Variants in DAGLA observed in about 807,000 individuals in gnomAD.
DAGLA encodes diacylglycerol lipase alpha.
In DAGLA, 22 loss-of-function variants were observed where a neutral mutation model predicts 102.6. The observed-to-expected ratio is 0.21, with a 90% confidence interval of 0.15 to 0.31. DAGLA has a LOEUF of 0.31. Among genes scored for constraint, DAGLA ranks in the 10% least tolerant of loss-of-function variants. The pLI, the probability that DAGLA is intolerant of heterozygous loss-of-function variation, is 1.00. For synonymous variants in DAGLA, 578 were observed against 628.9 expected (o/e 0.92, Z 1.21); for missense variants, 927 against 1,446.6 (o/e 0.64, Z 5.83).
chr11:61,699,677 A>G (rs1239284877), intron 1 of DAGLA, among the ~76,000 whole-genome samples: 2 of 152,228 alleles, frequency 1.3e-5, no homozygotes. Context: ...CCTCACAGTC[A>G]GGCCCCTCCG....
intron 5 of DAGLA, among the ~76,000 whole-genome samples, chr11:61,725,423 A>G (rs2065317096): frequency 6.6e-6 from 1 of 152,170 alleles, no homozygotes; most frequent in Non-Finnish European, 1.5e-5. Flanking sequence ...CCTAGGTATC[A>G]GATCCAAGGA....
chr11:61,744,657 G>GATCCCA lies in DAGLA; in HGVS notation c.*168_*169insATCCCA, dbSNP rs2065521437. The GATCCCA allele has an allele frequency of 5.0e-6, 3 of 595,238 alleles. No individual in the cohort carries two copies. In the Admixed American group the frequency reaches 1.0e-4, roughly 20 times the overall value. 36.9% of individuals were successfully genotyped at this position (595,238 alleles called of 1,614,324 possible). A position where few individuals can be genotyped will look rare whatever the true frequency, so the allele number is the denominator to read the frequency against. ...GGGTCCGCATCCCTACCTCAGCTTA[G>GATCCCA]GACCCCCAGAGCCAAGGTGGCTGGG... On this transcript the variant is annotated 3_prime_UTR_variant, in exon 20 of 20. Coordinates refer to ENST00000257215, the MANE Select transcript of DAGLA (RefSeq NM_006133.3).
intron 6 of DAGLA, 111 bp downstream of exon 6, chr11:61,726,193 T>C: frequency 9.6e-7 from 1 of 1,042,338 alleles, no homozygotes; most frequent in Non-Finnish European, 1.5e-6. Context: ...GGGAAGGAGC[T>C]GGGTTTCCAG....
chr11:61,722,684 C>T (rs1369325114), intron 3 of DAGLA, among the ~76,000 whole-genome samples, 175 bp from the exon 4 acceptor site: 3 of 144,794 alleles, frequency 2.1e-5, no homozygotes, highest in Non-Finnish European at 3.0e-5. Context: ...GGTGACAGGA[C>T]GGGCTTGGGG....
intron 5 of DAGLA, among the ~76,000 whole-genome samples, chr11:61,725,621 C>T (rs2065318687): frequency 6.6e-6 from 1 of 152,206 alleles, no homozygotes; most frequent in Non-Finnish European, 1.5e-5. Flanking sequence ...CCTTTGGACA[C>T]CTGAGCTGCA....
At chr11:61,714,030 G>A (rs540874205) in intron 1 of DAGLA, among the ~76,000 whole-genome samples, 46 of 152,174 alleles carry the variant, frequency 3.0e-4, no homozygotes, top group Non-Finnish European at 5.7e-4. Flanking sequence ...CCTGCAGAGC[G>A]AAAAAGAGCC....
Position 61,741,363 on chromosome 11 carries a change from A to G in DAGLA, c.2171+14A>G, listed in dbSNP as rs1299806584. The G allele has an allele frequency of 1.3e-6, 2 of 1,598,726 alleles. No homozygotes were observed. The highest frequency in any genetic ancestry group is 1.7e-6 in the Non-Finnish European group (2 of 1,177,472). ...CAGCAGCGTCAGGTGAGCCTTGGCC[A>G]CTCCCAGCCCCACCCCAGGGTGAGT... On this transcript the variant is annotated intron_variant, in intron 19 of 19. Transcript: ENST00000257215.
chr11:61,731,461 C>A lies in DAGLA; in HGVS notation c.974+20C>A, dbSNP rs199877296. 476 of 1,611,602 alleles carry A rather than the reference C, an allele frequency of 3.0e-4. 7 individuals carry two copies. The Middle Eastern group carries it at 4.0e-3, about 13-fold the overall frequency. ...CTGCTCGTGAGTACCCCTGTCCCAT[C>A]CCCCAGCGATTGCACCTCTCCTCCC... On this transcript the variant is annotated intron_variant, in intron 9 of 19. Transcript: ENST00000257215.
In DAGLA at chr11:61,728,968, C is replaced by T. The variant is rs775955360; in HGVS notation, c.809C>T (p.Pro270Leu). ...NDILAFLSGM[P>L]VTRNTKYLDL... ...ATCTTGGCCTTCCTGTCTGGGATGC[C>T]GGTGACCAGAAACACCAAGTACCTC... Residue 270 changes from proline to leucine, a missense_variant, in exon 8 of 20, where the codon CCG becomes CTG. Coordinates refer to ENST00000257215, the MANE Select transcript of DAGLA (RefSeq NM_006133.3). 5.0e-6 allele frequency: 8 copies of T among 1,614,050 alleles called. No individual in the cohort carries two copies. The highest frequency in any genetic ancestry group is 2.2e-5 in the East Asian group (1 of 44,892).
intron 15 of DAGLA, 75 bp from the exon 16 acceptor site, chr11:61,738,060 C>T: frequency 8.1e-7 from 1 of 1,239,280 alleles, no homozygotes; most frequent in South Asian, 1.2e-5. Context: ...GTGCCTGCCC[C>T]TCCGCCCCTG....
At chr11:61,737,928 G>A (rs761829950) in intron 15 of DAGLA, among the ~76,000 whole-genome samples, 173 bp downstream of exon 15, 6 of 151,636 alleles carry the variant, frequency 4.0e-5, no homozygotes, top group Non-Finnish European at 5.9e-5. Context: ...GTGAACGCAC[G>A]TGCTGGCGCC....
At chr11:61,737,562 G>A in intron 14 of DAGLA, 125 bp from the exon 15 acceptor site, 1 of 1,100,766 alleles carries the variant, frequency 9.1e-7, no homozygotes, top group East Asian at 2.4e-5. Context: ...CCTGCCACCA[G>A]CCAGCTCCCC....
At position 61,736,264 on chromosome 11, in the gene DAGLA, A is replaced by G; in HGVS notation, c.1291-6A>G. The G allele has an allele frequency of 6.2e-7, 1 of 1,613,810 alleles. No homozygotes were observed. Among genetic ancestry groups the G allele is most frequent in the Non-Finnish European group, 8.5e-7 (1 of 1,179,766 alleles). ...CCAACACCTGCTTCTGTTCCTGCCC[A>G]CCCAGGGTATGGTCCTCTCAGCTGA... On this transcript the variant is annotated splice_region_variant and splice_polypyrimidine_tract_variant and intron_variant, in intron 12 of 19. Transcript: ENST00000257215.
At chr11:61,707,397 T>A (rs565580950) in intron 1 of DAGLA, among the ~76,000 whole-genome samples, 23 of 152,334 alleles carry the variant, frequency 1.5e-4, no homozygotes, top group African/African-American at 5.3e-4. Flanking sequence ...GGCTGGCACT[T>A]GTCAGGGGCC....
intron 1 of DAGLA, among the ~76,000 whole-genome samples, chr11:61,713,402 T>C (rs935769720): frequency 2.0e-5 from 3 of 152,156 alleles, no homozygotes; most frequent in Non-Finnish European, 4.4e-5. Context: ...GGTGAGTTCA[T>C]GTTTGTAAAG....
intron 1 of DAGLA, among the ~76,000 whole-genome samples, chr11:61,698,304 GC>G (rs2065082303): frequency 6.6e-6 from 1 of 152,236 alleles, no homozygotes; most frequent in South Asian, 2.1e-4. Context: ...CAGAGGGGCG[GC>G]CCAGCTCTCT....
intron 1 of DAGLA, among the ~76,000 whole-genome samples, chr11:61,690,128 G>C (rs1037498247): frequency 6.6e-6 from 1 of 152,138 alleles, no homozygotes; most frequent in African/African-American, 2.4e-5. Context: ...TGCACCCCCA[G>C]GGCCAGAACA....
At chr11:61,698,336 C>G (rs1052863282) in intron 1 of DAGLA, among the ~76,000 whole-genome samples, 1 of 152,238 alleles carries the variant, frequency 6.6e-6, no homozygotes, top group Non-Finnish European at 1.5e-5. Flanking sequence ...TGGGAGACCT[C>G]AGAATGAGGA....
rs1032024461 is a variant in DAGLA, at chr11:61,744,852, C to G, written c.*363C>G. ...GCTGCCTCCCATCACTGCCTGCTGG[C>G]TGCTCTCCCAGGGGCCAGGTGGAGA... On this transcript the variant is annotated 3_prime_UTR_variant, in exon 20 of 20. Transcript: ENST00000257215. 21 of 227,212 alleles carry G rather than the reference C, an allele frequency of 9.2e-5. No homozygotes were observed. The highest frequency in any genetic ancestry group is 4.8e-4 in the African/African-American group (21 of 44,064). The allele number at this position is 227,212 out of a possible 1,614,324, so 14.1% of individuals were successfully genotyped here. A position where few individuals can be genotyped will look rare whatever the true frequency, so the allele number is the denominator to read the frequency against.
Sources: gnomAD v4.1 joint callset for allele counts (sites outside exome capture counted in the v4.1 genomes callset) on GRCh38, gnomAD v4.1.1 for gene constraint, MANE v1.5 for transcripts, NCBI Gene and HGNC (gene_info 2026-07-23, HGNC 2026-07-21) for gene names.